FHAD1: variants seen among roughly 807,000 people sequenced by gnomAD.
FHAD1 encodes forkhead associated phosphopeptide binding domain 1, also known as forkhead-associated domain-containing protein 1.
FHAD1 carries 146 observed loss-of-function variants against 191.3 expected under a neutral mutation model. That is an observed-to-expected ratio of 0.76 (90% CI 0.67 to 0.88). The LOEUF (loss-of-function observed/expected upper bound fraction) is 0.88, where lower values mean the gene tolerates loss of function less well. FHAD1 is among the 40% of genes least tolerant of loss of function. The pLI is 0.00. For synonymous variants in FHAD1, 616 were observed against 672.3 expected (o/e 0.92, Z 1.29); for missense variants, 1,635 against 1,785.8 (o/e 0.92, Z 1.52).
At chr1:15,336,805 G>A (rs1021645378) in intron 14 of FHAD1, among the ~76,000 whole-genome samples, 2 of 152,064 alleles carry the variant, frequency 1.3e-5, no homozygotes, top group Non-Finnish European at 2.9e-5. Flanking sequence ...CCCTCTCGGG[G>A]ACTGTGTCTC....
chr1:15,366,601 C>A (rs897285667), intron 24 of FHAD1, among the ~76,000 whole-genome samples: 3 of 152,242 alleles, frequency 2.0e-5, no homozygotes, highest in Non-Finnish European at 4.4e-5. Flanking sequence ...TTTGCACAAG[C>A]CCCGGCACTC....
chr1:15,273,762 C>T (rs1234580926), intron 3 of FHAD1, among the ~76,000 whole-genome samples: 1 of 152,138 alleles, frequency 6.6e-6, no homozygotes, highest in African/African-American at 2.4e-5. Context: ...CCGTATTCAC[C>T]GTTTCTAAGG....
intron 20 of FHAD1, among the ~76,000 whole-genome samples, chr1:15,355,669 G>A (rs990670987): frequency 4.6e-5 from 7 of 152,168 alleles, no homozygotes; most frequent in East Asian, 1.9e-4. Flanking sequence ...AAGCTACTCC[G>A]TGGCATGCCT....
Position 15,367,552 on chromosome 1 carries a change from A to G in FHAD1, c.3244A>G (p.Lys1082Glu). 1.9e-6 allele frequency: 3 copies of G among 1,541,658 alleles called. No individual in the cohort carries two copies. The highest frequency in any genetic ancestry group is 2.6e-6 in the Non-Finnish European group (3 of 1,141,578). ...QSKELSVLKEKMAQMSSLVEK... is the reference protein window; with the variant it reads ...QSKELSVLKEEMAQMSSLVEK... ...CAAGGAGCTGAGTGTGCTCAAGGAG[A>G]AGATGGCCCAGATGAGCAGCCTGGT... The change falls in exon 25 of 34, where the codon AAG becomes GAG. Residue 1082 changes from lysine to glutamate, a missense_variant. Transcript: ENST00000688493.
intron 31 of FHAD1, chr1:15,383,033 C>G: frequency 2.1e-6 from 1 of 467,220 alleles, no homozygotes; most frequent in Non-Finnish European, 4.5e-6. Context: ...CGCACACACT[C>G]TGGTATCTCA....
Position 15,397,415 on chromosome 1 carries a change from G to A in FHAD1, c.*2G>A, listed in dbSNP as rs1194080340. ...TCTAAGCCCAGTGGAAAGTACTAGA[G>A]AAACCTCGTCCCACCAGGCCTCATG... On this transcript the variant is annotated 3_prime_UTR_variant, in exon 34 of 34. Coordinates refer to ENST00000688493, the MANE Select transcript of FHAD1 (RefSeq NM_001391957.1). 6.7e-7 allele frequency: 1 copy of A among 1,484,632 alleles called. No individual in the cohort carries two copies. Among genetic ancestry groups the A allele is most frequent in the Non-Finnish European group, 9.1e-7 (1 of 1,096,250 alleles). The allele number at this position is 1,484,632 out of a possible 1,614,324, so 92.0% of individuals were successfully genotyped here.
At chr1:15,355,906 T>TA (rs33997410) in intron 20 of FHAD1, among the ~76,000 whole-genome samples, 42 of 125,250 alleles carry the variant, frequency 3.4e-4, no homozygotes, top group African/African-American at 5.9e-4. Context: ...TTCCTGATTA[T>TA]AAAAAAAAAC....
chr1:15,246,981 G>A (rs900656270), upstream of FHAD1, among the ~76,000 whole-genome samples: 3 of 152,138 alleles, frequency 2.0e-5, no homozygotes, highest in African/African-American at 7.2e-5. Flanking sequence ...TTACAGTGAG[G>A]GGTAATGGAA....
chr1:15,288,513 G>C (rs1663309622), intron 3 of FHAD1, among the ~76,000 whole-genome samples: 1 of 152,260 alleles, frequency 6.6e-6, no homozygotes, highest in South Asian at 2.1e-4. Flanking sequence ...TGAACTTTGA[G>C]GGATAGAGGG....
intron 31 of FHAD1, among the ~76,000 whole-genome samples, chr1:15,386,211 C>T (rs1202870036): frequency 6.6e-6 from 1 of 152,212 alleles, no homozygotes; most frequent in African/African-American, 2.4e-5. Flanking sequence ...CAGAGCCTGT[C>T]ACAGAGCAAG....
chr1:15,258,541 A>G (rs1466452135), intron 2 of FHAD1, among the ~76,000 whole-genome samples: 3 of 151,132 alleles, frequency 2.0e-5, no homozygotes, highest in Admixed American at 2.0e-4. Context: ...GCTGCTGTGA[A>G]TAATGCTGCT....
In FHAD1 at chr1:15,369,355, T is replaced by C. The variant is rs979949189; in HGVS notation, c.3315-15T>C. The C allele has an allele frequency of 3.2e-6, 5 of 1,551,780 alleles. No individual in the cohort carries two copies. The highest frequency in any genetic ancestry group is 4.4e-6 in the Non-Finnish European group (5 of 1,147,000). The stretch of plus-strand genomic sequence containing the variant: ...TTTCCAGAACCTCGTGCCATCCTCC[T>C]CTTCTCTACCCTAGGGCTTCCCAAG... On this transcript the variant is annotated splice_polypyrimidine_tract_variant and intron_variant, in intron 25 of 33. Transcript: ENST00000688493.
intron 2 of FHAD1, among the ~76,000 whole-genome samples, chr1:15,252,803 G>A (rs920378505): frequency 2.6e-5 from 4 of 152,232 alleles, no homozygotes; most frequent in Non-Finnish European, 5.9e-5. Flanking sequence ...TGAATTAGCT[G>A]TGGTTTGGTC....
chr1:15,370,333 A>G (rs1697713262), intron 26 of FHAD1, among the ~76,000 whole-genome samples: 1 of 152,226 alleles, frequency 6.6e-6, no homozygotes, highest in Non-Finnish European at 1.5e-5. Context: ...AACCATGTAC[A>G]TTCTGCAACA....
intron 22 of FHAD1, among the ~76,000 whole-genome samples, chr1:15,362,364 C>T (rs1695083803): frequency 6.6e-6 from 1 of 152,208 alleles, no homozygotes; most frequent in Admixed American, 6.5e-5. Flanking sequence ...CCAGCTTAGC[C>T]AAGTGGGTCG....
chr1:15,293,699 A>C (rs1208399988), intron 4 of FHAD1, among the ~76,000 whole-genome samples: 1 of 152,168 alleles, frequency 6.6e-6, no homozygotes, highest in Non-Finnish European at 1.5e-5. Flanking sequence ...GCCTGGGCGG[A>C]CAGAGCAAGA....
chr1:15,266,851 T>C (rs1299436812), intron 2 of FHAD1, among the ~76,000 whole-genome samples: 2 of 152,218 alleles, frequency 1.3e-5, no homozygotes, highest in Non-Finnish European at 2.9e-5. Context: ...GTAGCCCTTT[T>C]AGATTAGCTT....
rs1357328150 is a variant in FHAD1 at position 15,272,408 on chromosome 1, A to G, written c.179A>G (p.Asn60Ser). ...GTTCTCCAGGACTTCAATTCCCGCAACGGCACGTTTGTCAACGAGTGCCAC... is the reference window on the plus strand; with the variant it reads ...GTTCTCCAGGACTTCAATTCCCGCAGCGGCACGTTTGTCAACGAGTGCCAC... The part of the protein sequence containing the change: ...SFVLQDFNSR[N>S]GTFVNECHIQ... The change falls in exon 3 of 34, where the codon AAC becomes AGC. Residue 60 changes from asparagine (N) to serine (S), a missense_variant. Physicochemically the swap from Asn to Ser is conservative, Grantham distance 46. Coordinates refer to ENST00000688493, the MANE Select transcript of FHAD1 (RefSeq NM_001391957.1). 2 of 1,551,718 alleles carry G rather than the reference A, an allele frequency of 1.3e-6. No homozygotes were observed. Among genetic ancestry groups the G allele is most frequent in the Non-Finnish European group, 1.7e-6 (2 of 1,146,988 alleles).
intron 20 of FHAD1, among the ~76,000 whole-genome samples, chr1:15,354,531 G>C (rs890423104): frequency 6.6e-6 from 1 of 152,200 alleles, no homozygotes; most frequent in African/African-American, 2.4e-5. Context: ...GCCCGAGAAA[G>C]GCAGTCTCTT....
Sources: allele counts gnomAD v4.1 joint callset (sites outside exome capture counted in the v4.1 genomes callset), GRCh38; gene constraint gnomAD v4.1.1; transcripts MANE v1.5; gene names NCBI Gene and HGNC (gene_info 2026-07-23, HGNC 2026-07-21).